PKLR: variants seen among roughly 807,000 people sequenced by gnomAD.
The protein encoded by PKLR is pyruvate kinase L/R, also known as pyruvate kinase PKLR.
In PKLR, 38 loss-of-function variants were observed where a neutral mutation model predicts 53.6. The ratio of observed to expected loss-of-function variants is 0.71; its 90% CI spans 0.55 to 0.93. The LOEUF (loss-of-function observed/expected upper bound fraction) is 0.93. Ranked by LOEUF, PKLR falls within the 40% of genes least tolerant of loss-of-function variation. The pLI is 0.00. For synonymous variants in PKLR, 328 were observed against 316.2 expected (o/e 1.04, Z -0.39); for missense variants, 702 against 787.3 (o/e 0.89, Z 1.30).
At chr1:155,298,965 T>C (rs1028341843) in intron 2 of PKLR, among the ~76,000 whole-genome samples, 1 of 57,648 alleles carries the variant, frequency 1.7e-5, no homozygotes, top group Non-Finnish European at 3.1e-5. Context: ...TTTCTTTCTT[T>C]CTTTCTTTCT....
In PKLR at chr1:155,295,002, C is replaced by CA; in HGVS notation, c.694+113dup. ...GCTGGGGACTCCTGGGACGGGCTGG[C>CA]AAAAACGCGTGGCCAGGGGAAGGTG... is the stretch of plus-strand genomic sequence containing the variant. On this transcript the variant is annotated intron_variant, in intron 5 of 10. Transcript: ENST00000342741. This position sits in a 1 kb window ranked among gnomAD's most constrained non-coding sequence, Gnocchi z 4.3. 1.6e-6 allele frequency: 2 copies of CA among 1,284,520 alleles called. No individual in the cohort carries two copies. Among genetic ancestry groups the CA allele is most frequent in the Admixed American group, 2.0e-5 (1 of 50,950 alleles). 79.6% of individuals were successfully genotyped at this position (1,284,520 alleles called of 1,614,324 possible).
At chr1:155,290,951 T>C (rs1270336024) in intron 10 of PKLR, among the ~76,000 whole-genome samples, 2 of 149,930 alleles carry the variant, frequency 1.3e-5, no homozygotes, top group East Asian at 3.9e-4. Context: ...ATCACACCAC[T>C]GCACTCCAGC....
rs371489505 is a variant in PKLR at position 155,291,835 on chromosome 1, G to T, written c.1539C>A (p.Phe513Leu). 1.2e-6 allele frequency: 2 copies of T among 1,614,044 alleles called. No homozygotes were observed. The highest frequency in any genetic ancestry group is 1.7e-5 in the Admixed American group (1 of 60,000). ...CTGGAGGTTCACGGTAAAGCAAGGG[G>T]AAGACTCCTCGGCATAAGTGGACCT... Reference protein sequence around the residue: ...ARQVHLCRGVFPLLYREPPEA... With the variant: ...ARQVHLCRGVLPLLYREPPEA... The change falls in exon 10 of 11, where the codon TTC (phenylalanine) becomes TTA (leucine). Residue 513 changes from phenylalanine (F) to leucine (L), a missense_variant. Around this residue, in one of 2 missense-constraint regions of PKLR, gnomAD observed 183 missense variants for 250.2 expected, o/e 0.73. Transcript: ENST00000342741.
intron 2 of PKLR, among the ~76,000 whole-genome samples, chr1:155,297,384 T>C (rs1168872610): frequency 6.6e-6 from 1 of 152,114 alleles, no homozygotes; most frequent in African/African-American, 2.4e-5. Flanking sequence ...CAGTTCCTTA[T>C]GGCAAAAACC....
intron 10 of PKLR, 93 bp from the exon 11 acceptor site, chr1:155,290,771 C>T (rs547772674): frequency 6.4e-6 from 5 of 780,448 alleles, no homozygotes; most frequent in East Asian, 5.3e-5. Flanking sequence ...GGAGGATCAC[C>T]TGAGGTCAGG....
At position 155,294,481 on chromosome 1, in the gene PKLR, C is replaced by T. The variant is rs765110039; in HGVS notation, c.965+1G>A. The T allele has an allele frequency of 1.2e-6, 2 of 1,614,248 alleles. No individual in the cohort carries two copies. The highest frequency in any genetic ancestry group is 1.7e-6 in the Non-Finnish European group (2 of 1,180,042). ...GAAGGGGAACAGAGCCCAAGCCTCA[C>T]CTCTTCACGCCTTCGTGGTTCTCAA... On this transcript the variant is annotated splice_donor_variant, in intron 6 of 10. Coordinates refer to ENST00000342741, the MANE Select transcript of PKLR (RefSeq NM_000298.6). LOFTEE classifies it high-confidence loss of function.
intron 2 of PKLR, among the ~76,000 whole-genome samples, chr1:155,298,678 G>A (rs1245941666): frequency 6.7e-6 from 1 of 149,414 alleles, no homozygotes; most frequent in African/African-American, 2.5e-5. Context: ...TTTCGCTCTT[G>A]TTGCCCAAAC....
intron 2 of PKLR, among the ~76,000 whole-genome samples, chr1:155,298,798 T>G (rs1401777374): frequency 1.3e-5 from 2 of 151,796 alleles, no homozygotes; most frequent in Non-Finnish European, 1.5e-5. Flanking sequence ...CATGCCACCA[T>G]GCCTGGCTAA....
In PKLR at chr1:155,294,322, C is replaced by T; in HGVS notation, c.1029G>A (p.Glu343=). 1 of 1,614,176 alleles carries T rather than the reference C, an allele frequency of 6.2e-7. No individual in the cohort carries two copies. Among genetic ancestry groups the T allele is most frequent in the South Asian group, 1.1e-5 (1 of 91,078 alleles). The change falls in exon 7 of 11, where the codon GAG becomes GAA. Residue 343 remains glutamate, a synonymous_variant. Transcript: ENST00000342741. ...IMVARGDLGI[E]IPAEKVFLAQ... ...CCAGGAAAACCTTCTCTGCTGGGAT[C>T]TCGATGCCTAGGTCCCCCCGTGCCA...
the PKLR span, among the ~76,000 whole-genome samples, chr1:155,308,001 T>G: frequency 6.6e-6 from 1 of 152,032 alleles, no homozygotes; most frequent in South Asian, 2.1e-4. Flanking sequence ...GGTCTCAGAT[T>G]CCTGACCGCA....
chr1:155,293,705 G>A lies in PKLR; in HGVS notation c.1117-115C>T, dbSNP rs1043842555. 91 of 1,030,728 alleles carry A rather than the reference G, an allele frequency of 8.8e-5. No individual in the cohort carries two copies. In the East Asian group the frequency reaches 2.2e-3, roughly 25 times the overall value. 63.8% of individuals were successfully genotyped at this position (1,030,728 alleles called of 1,614,324 possible). A position where few individuals can be genotyped will look rare whatever the true frequency, so the allele number is the denominator to read the frequency against. On this transcript the variant is annotated intron_variant, in intron 7 of 10. Coordinates refer to ENST00000342741, the MANE Select transcript of PKLR (RefSeq NM_000298.6). This position sits in a 1 kb window ranked among gnomAD's most constrained non-coding sequence, Gnocchi z 4.2. ...GAGTGTCCCAAAATCCAGGGTCACA[G>A]TCACAACCCCTGAAAATAGGAGTCA...
rs2148207277 is a variant in PKLR, at chr1:155,295,291, C to G, written c.519G>C (p.Ser173=). ...GGGAGCCCTTCACCAGCTCCACTTC[C>G]GACTCTGGACCCTAAGGAGGGAGCC... The part of the protein sequence containing the change: ...RTGILQGGPE[S]EVELVKGSQV... The change falls in exon 5 of 11, where the codon TCG becomes TCC. Residue 173 remains serine, a synonymous_variant. Coordinates refer to ENST00000342741, the MANE Select transcript of PKLR (RefSeq NM_000298.6). The surrounding 1 kb of genome is among the most constrained non-coding windows in gnomAD (Gnocchi z 4.3). 1 of 1,614,030 alleles carries G rather than the reference C, an allele frequency of 6.2e-7. No homozygotes were observed. Among genetic ancestry groups the G allele is most frequent in the Non-Finnish European group, 8.5e-7 (1 of 1,179,980 alleles).
intron 10 of PKLR, 69 bp downstream of exon 10, chr1:155,291,687 A>C: frequency 7.2e-7 from 1 of 1,394,118 alleles, no homozygotes; most frequent in Non-Finnish European, 1.0e-6. Flanking sequence ...TTGAGTGGGT[A>C]TGGGAAGCTG....
chr1:155,290,878 A>G lies in PKLR; in HGVS notation c.1619-200T>C, dbSNP rs187375238. 1.8e-3 allele frequency among the ~76,000 whole-genome samples: 272 copies of G among 151,708 alleles called. 1 individual carries two copies. Among genetic ancestry groups the G allele is most frequent in the African/African-American group, 6.4e-3 (265 of 41,316 alleles). ...GTGGCGCATGCCTGTAATCCCAGCT[A>G]CTAGGGAGGCTGAGGCAGGAGAATC... On this transcript the variant is annotated intron_variant, in intron 10 of 10. Transcript: ENST00000342741.
chr1:155,308,119 C>T, the PKLR span, among the ~76,000 whole-genome samples: 18 of 144,766 alleles, frequency 1.2e-4, no homozygotes, highest in African/African-American at 3.9e-4. Context: ...TGCAGTGGTT[C>T]GCTGGATCTC....
At position 155,291,742 on chromosome 1, in the gene PKLR, T is replaced by A. The variant is rs752205346; in HGVS notation, c.1618+14A>T. On this transcript the variant is annotated intron_variant, in intron 10 of 10. Coordinates refer to ENST00000342741, the MANE Select transcript of PKLR (RefSeq NM_000298.6). ...CAAATGGTAGGAGTGGCAGGGAAGGTCTAGGTAGCTCACCACTTTCAATGC... is the reference window on the plus strand; with the variant it reads ...CAAATGGTAGGAGTGGCAGGGAAGGACTAGGTAGCTCACCACTTTCAATGC... The A allele has an allele frequency of 6.2e-7, 1 of 1,608,522 alleles. No individual in the cohort carries two copies. The highest frequency in any genetic ancestry group is 2.2e-5 in the East Asian group (1 of 44,666).
rs999887770 is a variant in PKLR, at chr1:155,290,078, A to G, written c.*494T>C. The G allele has an allele frequency of 3.5e-5, 6 of 171,786 alleles. No homozygotes were observed. The highest frequency in any genetic ancestry group is 3.8e-5 in the Non-Finnish European group (3 of 79,584). The allele number at this position is 171,786 out of a possible 1,614,324, so 10.6% of individuals were successfully genotyped here. A position where few individuals can be genotyped will look rare whatever the true frequency, so the allele number is the denominator to read the frequency against. The stretch of plus-strand genomic sequence containing the variant: ...CCACCCAGTTTTCCCAAAAGCGTGG[A>G]CTTTCATGTAACTGTTAGTCACCAT... On this transcript the variant is annotated 3_prime_UTR_variant, in exon 11 of 11. Coordinates refer to ENST00000342741, the MANE Select transcript of PKLR (RefSeq NM_000298.6).
Position 155,295,339 on chromosome 1 carries a change from C to T in PKLR, c.508-37G>A. ...GCCAGAGGAGATGTGAGTTCTGAGC[C>T]CCGGAGTCCGGGACCCGCCCCTGCC... On this transcript the variant is annotated intron_variant, in intron 4 of 10. Coordinates refer to ENST00000342741, the MANE Select transcript of PKLR (RefSeq NM_000298.6). This position sits in a 1 kb window ranked among gnomAD's most constrained non-coding sequence, Gnocchi z 4.3. 6.2e-7 allele frequency: 1 copy of T among 1,613,464 alleles called. No homozygotes were observed. The highest frequency in any genetic ancestry group is 1.6e-4 in the Middle Eastern group (1 of 6,062).
At chr1:155,299,491 CTTTTTTTTTTTTT>C (rs35869567) in intron 2 of PKLR, among the ~76,000 whole-genome samples, 4 of 42,762 alleles carry the variant, frequency 9.4e-5, no homozygotes, top group South Asian at 1.4e-3. Flanking sequence ...GCCCAGCCCA[CTTTTTTTTTTTTT>C]TTTTTTTTTT....
Sources: allele counts gnomAD v4.1 joint callset (sites outside exome capture counted in the v4.1 genomes callset), GRCh38; gene constraint gnomAD v4.1.1; regional missense constraint gnomAD v4.1.1; non-coding constraint Gnocchi (gnomAD v3.1); transcripts MANE v1.5; gene names NCBI Gene and HGNC (gene_info 2026-07-23, HGNC 2026-07-21).